Variants in MAP3K15 observed in about 807,000 individuals in gnomAD.
MAP3K15 encodes the protein mitogen-activated protein kinase kinase kinase 15.
MAP3K15 carries 124 observed loss-of-function variants against 99.5 expected under a neutral mutation model. That is an observed-to-expected ratio of 1.25 (90% CI 1.08 to 1.45). The LOEUF is 1.45. Among genes scored for constraint, MAP3K15 ranks in the 40% most tolerant of loss-of-function variants. The pLI, the probability that MAP3K15 is intolerant of heterozygous loss-of-function variation, is 0.00. For synonymous variants in MAP3K15, 494 were observed against 439.6 expected (o/e 1.12, Z -1.55); for missense variants, 1,242 against 1,079.7 (o/e 1.15, Z -2.11).
chrX:19,479,150 C>T (rs2064272671), intron 3 of MAP3K15, among the ~76,000 whole-genome samples: 2 of 111,810 alleles, frequency 1.8e-5, no homozygotes, highest in African/African-American at 3.3e-5. Flanking sequence ...TGCAGGTATA[C>T]TACCCAGAAC....
intron 21 of MAP3K15, among the ~76,000 whole-genome samples, 188 bp downstream of exon 21, chrX:19,373,348 G>A (rs1414040430): frequency 1.9e-5 from 2 of 108,022 alleles, no homozygotes; most frequent in Non-Finnish European, 3.9e-5. Flanking sequence ...AGGGAGGGAG[G>A]GGAAGGGACA....
chrX:19,455,513 ATTTTTTTTTT>A (rs755405077), intron 6 of MAP3K15, among the ~76,000 whole-genome samples: 2 of 65,718 alleles, frequency 3.0e-5, no homozygotes, highest in East Asian at 4.3e-4. Flanking sequence ...TGCCTGGCTA[ATTTTTTTTTT>A]TTTTTTTTTT....
rs188463494 is a variant in MAP3K15 at position 19,412,284 on chromosome X, C to T, written c.1698+1073G>A. 5.2e-3 allele frequency among the ~76,000 whole-genome samples: 578 copies of T among 112,202 alleles called. 1 individual carries two copies. The highest frequency in any genetic ancestry group is 8.5e-3 in the Non-Finnish European group (454 of 53,183). On this transcript the variant is annotated intron_variant, in intron 11 of 28. Transcript: ENST00000338883. Reference sequence around the variant, plus strand: ...TAAACAACACATTTTATGTAATAATCAACAGGCATTTGTTCAGGAGTGGGT... The same window carrying T: ...TAAACAACACATTTTATGTAATAATTAACAGGCATTTGTTCAGGAGTGGGT...
At chrX:19,428,415 A>G (rs144091782) in intron 7 of MAP3K15, among the ~76,000 whole-genome samples, 5 of 111,578 alleles carry the variant, frequency 4.5e-5, no homozygotes, top group Admixed American at 2.9e-4. Flanking sequence ...ACCAAACATT[A>G]ACTTCCCTTC....
chrX:19,382,947 C>T (rs999551877), intron 18 of MAP3K15, among the ~76,000 whole-genome samples: 14 of 111,919 alleles, frequency 1.3e-4, no homozygotes, highest in African/African-American at 3.9e-4. Flanking sequence ...AACCAGGTGG[C>T]GCTAAAGAGA....
intron 9 of MAP3K15, among the ~76,000 whole-genome samples, chrX:19,421,518 C>G (rs4611957): frequency 0.073 from 8,060 of 110,125 alleles, 750 homozygotes; most frequent in African/African-American, 0.25. Context: ...CACTGCTCAA[C>G]GAAATAAAAG....
chrX:19,448,412 C>T (rs1431075487), intron 6 of MAP3K15, among the ~76,000 whole-genome samples: 3 of 109,358 alleles, frequency 2.7e-5, no homozygotes, highest in Non-Finnish European at 5.8e-5. Flanking sequence ...AGCCTCAAAA[C>T]AATCAAGTGA....
At chrX:19,433,364 T>C (rs2063898472) in intron 6 of MAP3K15, among the ~76,000 whole-genome samples, 1 of 111,621 alleles carries the variant, frequency 9.0e-6, no homozygotes, top group African/African-American at 3.3e-5. Flanking sequence ...ACGCAATCCA[T>C]TGAGGGTACC....
At chrX:19,418,626 C>G (rs888709927) in intron 9 of MAP3K15, among the ~76,000 whole-genome samples, 2 of 111,457 alleles carry the variant, frequency 1.8e-5, no homozygotes, top group East Asian at 5.6e-4. Flanking sequence ...AGGACAGTAT[C>G]TAGGAGAACT....
intron 6 of MAP3K15, among the ~76,000 whole-genome samples, chrX:19,447,605 C>T (rs1161131947): frequency 1.8e-5 from 2 of 109,787 alleles, no homozygotes; most frequent in African/African-American, 3.3e-5. Flanking sequence ...CCCACGAGGC[C>T]GGGCGCGGTG....
intron 11 of MAP3K15, among the ~76,000 whole-genome samples, chrX:19,412,621 T>C (rs1293227013): frequency 9.0e-6 from 1 of 111,508 alleles, no homozygotes; most frequent in Non-Finnish European, 1.9e-5. Context: ...CAGGATTATA[T>C]AGGGAGGGAC....
chrX:19,454,485 T>C (rs761645975), intron 6 of MAP3K15, among the ~76,000 whole-genome samples: 46 of 112,077 alleles, frequency 4.1e-4, no homozygotes, highest in Non-Finnish European at 1.1e-4. Flanking sequence ...TAGCTTTGAA[T>C]GGGCTTCTGA....
intron 18 of MAP3K15, among the ~76,000 whole-genome samples, chrX:19,386,715 C>T (rs1399432582): frequency 1.8e-5 from 2 of 111,469 alleles, no homozygotes; most frequent in Non-Finnish European, 3.8e-5. Context: ...TTCAGATTAC[C>T]AGCAAAGAAG....
chrX:19,476,212 G>C (rs913441601), intron 3 of MAP3K15, among the ~76,000 whole-genome samples: 20 of 112,080 alleles, frequency 1.8e-4, no homozygotes, highest in African/African-American at 6.2e-4. Flanking sequence ...ATCTAAGGCA[G>C]ATAGAAAGCC....
intron 5 of MAP3K15, among the ~76,000 whole-genome samples, chrX:19,458,275 C>T (rs1204038621): frequency 8.9e-6 from 1 of 112,382 alleles, no homozygotes; most frequent in African/African-American, 3.2e-5. Context: ...AAGGGAAGGA[C>T]AAAAAGCAGC....
intron 14 of MAP3K15, among the ~76,000 whole-genome samples, chrX:19,398,639 C>T (rs1318875023): frequency 9.0e-6 from 1 of 111,348 alleles, no homozygotes; most frequent in Non-Finnish European, 1.9e-5. Flanking sequence ...GAAATTCTTC[C>T]CCATTTTAAC....
At chrX:19,429,913 G>A (rs1387397224) in intron 7 of MAP3K15, among the ~76,000 whole-genome samples, 2 of 109,499 alleles carry the variant, frequency 1.8e-5, no homozygotes, top group Non-Finnish European at 3.8e-5. Context: ...TTCCACCTTC[G>A]GAATATATCC....
In MAP3K15 at chrX:19,407,197, T is replaced by G. The variant is rs911020923; in HGVS notation, c.1835A>C (p.Gln612Pro). 1 of 1,182,999 alleles carries G rather than the reference T, an allele frequency of 8.5e-7. No homozygotes were observed. The highest frequency in any genetic ancestry group is 1.9e-5 in the South Asian group (1 of 53,530). The change falls in exon 13 of 29, where the codon CAG (glutamine) becomes CCG (proline). Residue 612 changes from glutamine (Q) to proline (P), a missense_variant. Coordinates refer to ENST00000338883, the MANE Select transcript of MAP3K15 (RefSeq NM_001001671.4). ...DFQIYFSTEE[Q>P]CSRFFSLVKE... is the part of the protein sequence containing the mutation. ...ATTGGCTGTAACTCACCTACTGCAC[T>G]GCTCTTCGGTGGAAAAGTAGATTTG...
At chrX:19,371,558 T>C in intron 22 of MAP3K15, 28 bp from the exon 23 acceptor site, 1 of 1,156,254 alleles carries the variant, frequency 8.6e-7, no homozygotes, top group Non-Finnish European at 1.2e-6. Context: ...TCATTTTCAT[T>C]GAGTCAGATT....
Sources: allele counts gnomAD v4.1 joint callset (sites outside exome capture counted in the v4.1 genomes callset), GRCh38; gene constraint gnomAD v4.1.1; transcripts MANE v1.5; gene names NCBI Gene and HGNC (gene_info 2026-07-23, HGNC 2026-07-21).